The following ATXN1 variants were observed in gnomAD, a reference collection of about 807,000 sequenced individuals.
The protein encoded by ATXN1 is ataxin 1.
Under a neutral mutation model 56.4 loss-of-function variants are expected in ATXN1, and 8 were observed. The ratio of observed to expected loss-of-function variants is 0.14; its 90% confidence interval spans 0.08 to 0.26. The LOEUF is 0.26. ATXN1 is among the 10% of genes least tolerant of loss of function. The pLI, the probability that ATXN1 is intolerant of heterozygous loss-of-function variation, is 1.00. For missense variants in ATXN1, 987 were observed against 1,106.5 expected (o/e 0.89, Z 1.53); for synonymous variants, 514 against 494.6 (o/e 1.04, Z -0.52).
chr6:16,539,187 T>C (rs987824288), intron 4 of ATXN1, among the ~76,000 whole-genome samples: 1 of 152,368 alleles, frequency 6.6e-6, no homozygotes, highest in African/African-American at 2.4e-5. Flanking sequence ...CTTAAATGTA[T>C]AGCTAATGAT....
intron 3 of ATXN1, chr6:16,615,770 A>C (rs1763195504): frequency 6.6e-6 from 1 of 151,894 alleles, no homozygotes. Context: ...GCGGTGGCTC[A>C]TGCCTGTAAC....
At chr6:16,602,916 G>A (rs1415457908) in intron 3 of ATXN1, among the ~76,000 whole-genome samples, 1 of 152,074 alleles carries the variant, frequency 6.6e-6, no homozygotes, top group East Asian at 1.9e-4. Context: ...CTGAGCTTCG[G>A]CTACTCATTT....
At position 16,579,703 on chromosome 6, in the gene ATXN1, A is replaced by G. The variant is rs1389814665; in HGVS notation, c.-361+6077T>C. On this transcript the variant is annotated intron_variant, in intron 4 of 7. Coordinates refer to ENST00000436367, the MANE Select transcript of ATXN1 (RefSeq NM_001128164.2). ...AGGAAAATCTCCACCAGGAAAAAAT[A>G]CAGGGTGTTGAACAGAGGGGGAACA... is the stretch of plus-strand genomic sequence containing the variant. Among the ~76,000 whole-genome samples the G allele has an allele frequency of 2.0e-5, 3 of 152,142 alleles. No individual in the cohort carries two copies. The East Asian group carries it at 5.8e-4, about 29-fold the overall frequency.
chr6:16,379,403 G>C (rs1026651474), intron 6 of ATXN1, among the ~76,000 whole-genome samples: 3 of 151,924 alleles, frequency 2.0e-5, no homozygotes, highest in Non-Finnish European at 4.4e-5. Context: ...AATAACTTAC[G>C]GAAAAATAAA....
At chr6:16,514,131 G>C (rs1761133061) in intron 5 of ATXN1, among the ~76,000 whole-genome samples, 1 of 152,092 alleles carries the variant, frequency 6.6e-6, no homozygotes, top group Non-Finnish European at 1.5e-5. Flanking sequence ...TGACCAGCCA[G>C]CCCCAGAAAG....
chr6:16,529,576 A>G (rs1761462250), intron 4 of ATXN1, among the ~76,000 whole-genome samples: 2 of 152,234 alleles, frequency 1.3e-5, no homozygotes, highest in Non-Finnish European at 2.9e-5. Flanking sequence ...CAGGAATAAT[A>G]ATGGCTCAAG....
intron 6 of ATXN1, among the ~76,000 whole-genome samples, chr6:16,336,416 A>G (rs569318098): frequency 2.0e-5 from 3 of 152,292 alleles, no homozygotes; most frequent in Non-Finnish European, 4.4e-5. Context: ...TGAGACGTTC[A>G]GTAAGGAAGA....
chr6:16,467,783 A>T (rs1446908000), intron 6 of ATXN1, among the ~76,000 whole-genome samples: 1 of 152,254 alleles, frequency 6.6e-6, no homozygotes, highest in Non-Finnish European at 1.5e-5. Flanking sequence ...AGGAAAACTT[A>T]AAACAGTTCA....
intron 6 of ATXN1, among the ~76,000 whole-genome samples, chr6:16,417,810 G>A (rs1463512031): frequency 6.6e-6 from 1 of 151,992 alleles, no homozygotes; most frequent in Non-Finnish European, 1.5e-5. Context: ...GACAACTGAT[G>A]CCATTCATGC....
In ATXN1 at chr6:16,301,593, T is replaced by TA. The variant is rs562834227; in HGVS notation, c.*4735dup. On this transcript the variant is annotated 3_prime_UTR_variant, in exon 8 of 8. Coordinates refer to ENST00000436367, the MANE Select transcript of ATXN1 (RefSeq NM_001128164.2). The stretch of plus-strand genomic sequence containing the variant: ...TGGAAGCAAAGGCCTCCACGCCACT[T>TA]AAAAAAAAAAAAAGTGTAATTCTCT... 789 of 144,952 alleles carry TA rather than the reference T, an allele frequency of 5.4e-3. 8 individuals are homozygous for TA. Among genetic ancestry groups the TA allele is most frequent in the Middle Eastern group, 0.018 (5 of 282 alleles). 9.0% of individuals were successfully genotyped at this position (144,952 alleles called of 1,614,324 possible).
At position 16,392,802 on chromosome 6, in the gene ATXN1, A is replaced by G. The variant is rs965129975; in HGVS notation, c.-160-64332T>C. Reference sequence around the variant, plus strand: ...TGAGCCATCGCACACGACCTCAACCATTCTTTATCTCTAAACTCACAAGAC... The same window carrying G: ...TGAGCCATCGCACACGACCTCAACCGTTCTTTATCTCTAAACTCACAAGAC... On this transcript the variant is annotated intron_variant, in intron 6 of 7. Coordinates refer to ENST00000436367, the MANE Select transcript of ATXN1 (RefSeq NM_001128164.2). Among the ~76,000 whole-genome samples, 4 of 152,292 alleles carry G rather than the reference A, an allele frequency of 2.6e-5. No homozygotes were observed. In the South Asian group the frequency reaches 6.2e-4, roughly 24 times the overall value.
chr6:16,757,927 G>C (rs1429501466), intron 1 of ATXN1, among the ~76,000 whole-genome samples: 1 of 151,932 alleles, frequency 6.6e-6, no homozygotes, highest in Non-Finnish European at 1.5e-5. Context: ...CTTTCTAACT[G>C]CTCACTAAAT....
At chr6:16,357,545 C>T (rs1445990478) in intron 6 of ATXN1, among the ~76,000 whole-genome samples, 4 of 152,220 alleles carry the variant, frequency 2.6e-5, no homozygotes, top group Admixed American at 1.3e-4. Flanking sequence ...GCTGGGATTA[C>T]AGGTGTGAGC....
chr6:16,640,494 T>G (rs1379215066), intron 3 of ATXN1, among the ~76,000 whole-genome samples: 1 of 152,052 alleles, frequency 6.6e-6, no homozygotes, highest in African/African-American at 2.4e-5. Context: ...CCATCCTGGC[T>G]AACATGGTGA....
chr6:16,738,339 C>A (rs1296781156), intron 2 of ATXN1: 2 of 152,176 alleles, frequency 1.3e-5, no homozygotes, highest in Non-Finnish European at 2.9e-5. Flanking sequence ...TATTAGCTTT[C>A]AGCTGGGCTG....
chr6:16,412,257 C>T (rs536689290), intron 6 of ATXN1, among the ~76,000 whole-genome samples: 5 of 152,264 alleles, frequency 3.3e-5, no homozygotes, highest in African/African-American at 9.6e-5. Context: ...AAACTCAAAA[C>T]AAGAAATTTA....
intron 6 of ATXN1, among the ~76,000 whole-genome samples, chr6:16,452,159 C>A (rs1478039704): frequency 1.3e-5 from 2 of 152,166 alleles, no homozygotes; most frequent in African/African-American, 4.8e-5. Flanking sequence ...AGAAGACCTG[C>A]AACTCGGTAG....
intron 3 of ATXN1, among the ~76,000 whole-genome samples, chr6:16,656,590 C>A (rs1007942748): frequency 6.6e-6 from 1 of 152,128 alleles, no homozygotes; most frequent in Non-Finnish European, 1.5e-5. Context: ...TGAATTCCAA[C>A]CCCCAGACTA....
intron 6 of ATXN1, among the ~76,000 whole-genome samples, chr6:16,472,157 T>G (rs1268409485): frequency 2.0e-5 from 3 of 152,156 alleles, no homozygotes; most frequent in Non-Finnish European, 4.4e-5. Context: ...TGGCAGCATA[T>G]GCACACCTGC....
Sources: allele counts gnomAD v4.1 joint callset (sites outside exome capture counted in the v4.1 genomes callset), GRCh38; gene constraint gnomAD v4.1.1; transcripts MANE v1.5; gene names NCBI Gene and HGNC (gene_info 2026-07-23, HGNC 2026-07-21).